PJA2: variants seen among roughly 807,000 people sequenced by gnomAD.
The protein encoded by PJA2 is E3 ubiquitin-protein ligase Praja-2.
Under a neutral mutation model 69.3 loss-of-function variants are expected in PJA2, and 25 were observed. The observed-to-expected ratio is 0.36, with a 90% CI of 0.26 to 0.50. The LOEUF (loss-of-function observed/expected upper bound fraction) is 0.50, where lower values mean the gene tolerates loss of function less well. Among genes scored for constraint, PJA2 ranks in the 20% least tolerant of loss-of-function variants. The pLI, the probability that PJA2 is intolerant of heterozygous loss-of-function variation, is 0.96. For missense variants in PJA2, 809 were observed against 830.2 expected (o/e 0.97, Z 0.31); for synonymous variants, 308 against 277.8 (o/e 1.11, Z -1.08).
In PJA2 at chr5:109,335,666, T is replaced by C. The variant is rs1761926490; in HGVS notation, c.*1565A>G. The C allele has an allele frequency of 1.3e-5, 2 of 152,244 alleles. No individual in the cohort carries two copies. Among genetic ancestry groups the C allele is most frequent in the Admixed American group, 1.3e-4 (2 of 15,262 alleles). The allele number at this position is 152,244 out of a possible 1,614,324, so 9.4% of individuals were successfully genotyped here. A position where few individuals can be genotyped will look rare whatever the true frequency, so the allele number is the denominator to read the frequency against. Reference sequence around the variant, plus strand: ...CTCCTTGACACTAACTGATCATTAATGAAATATGATATGGAAAGATCACAG... The same window carrying C: ...CTCCTTGACACTAACTGATCATTAACGAAATATGATATGGAAAGATCACAG... On this transcript the variant is annotated 3_prime_UTR_variant, in exon 10 of 10. Coordinates refer to ENST00000361189, the MANE Select transcript of PJA2 (RefSeq NM_014819.5).
intron 6 of PJA2, among the ~76,000 whole-genome samples, chr5:109,359,884 G>T (rs1440087641): frequency 1.3e-5 from 2 of 152,076 alleles, no homozygotes; most frequent in African/African-American, 4.8e-5. Context: ...AATGGTCTTG[G>T]ATGTCGGAAA....
intron 7 of PJA2, among the ~76,000 whole-genome samples, chr5:109,353,480 TA>T (rs1213304669): frequency 6.5e-4 from 63 of 97,648 alleles, no homozygotes; most frequent in African/African-American, 1.6e-3. Context: ...TATAGATATC[TA>T]ATATATTAGA....
intron 7 of PJA2, among the ~76,000 whole-genome samples, chr5:109,352,232 C>G (rs1257938081): frequency 1.3e-5 from 2 of 152,182 alleles, no homozygotes; most frequent in African/African-American, 4.8e-5. Context: ...CATGACCTCT[C>G]AAGACCAGTC....
chr5:109,359,092 C>G (rs2126996946), intron 6 of PJA2, among the ~76,000 whole-genome samples: 1 of 152,300 alleles, frequency 6.6e-6, no homozygotes, highest in East Asian at 1.9e-4. Flanking sequence ...CAGCTTACTA[C>G]TCAATATGAA....
intron 7 of PJA2, among the ~76,000 whole-genome samples, chr5:109,354,834 G>C (rs1762385792): frequency 6.6e-6 from 1 of 151,200 alleles, no homozygotes; most frequent in Non-Finnish European, 1.5e-5. Context: ...AGACTTTCTG[G>C]CTGGGCATGG....
intron 7 of PJA2, among the ~76,000 whole-genome samples, chr5:109,346,435 A>T (rs555810860): frequency 1.4e-4 from 22 of 152,358 alleles, no homozygotes; most frequent in Non-Finnish European, 3.2e-4. Context: ...GAAAACAGGG[A>T]CTAAAACAAG....
intron 4 of PJA2, among the ~76,000 whole-genome samples, chr5:109,369,813 A>G (rs1461042191): frequency 6.6e-6 from 1 of 152,150 alleles, no homozygotes; most frequent in Non-Finnish European, 1.5e-5. Flanking sequence ...TGGGCAGATC[A>G]CCTGAGGTCG....
At chr5:109,375,216 T>C (rs1242132700) in intron 4 of PJA2, among the ~76,000 whole-genome samples, 1 of 152,098 alleles carries the variant, frequency 6.6e-6, no homozygotes, top group Admixed American at 6.6e-5. Flanking sequence ...AATTCCTATA[T>C]CTAAAAATGC....
chr5:109,386,120 C>CA (rs749106741), intron 1 of PJA2, among the ~76,000 whole-genome samples: 5,555 of 111,872 alleles, frequency 0.05, 111 homozygotes, highest in Middle Eastern at 0.069. Flanking sequence ...GACTCTGTCT[C>CA]AAAAAAAAAA....
chr5:109,398,517 A>G (rs1747467479), intron 1 of PJA2, among the ~76,000 whole-genome samples: 1 of 151,944 alleles, frequency 6.6e-6, no homozygotes, highest in Non-Finnish European at 1.5e-5. Flanking sequence ...AGTTCTCAGC[A>G]AACTATTGCA....
chr5:109,368,721 A>C lies in PJA2; in HGVS notation c.1309T>G (p.Ser437Ala), dbSNP rs762462666. 6.2e-7 allele frequency: 1 copy of C among 1,613,668 alleles called. No homozygotes were observed. Among genetic ancestry groups the C allele is most frequent in the South Asian group, 1.1e-5 (1 of 91,030 alleles). ...DSSECSDGEW[S>A]ASLPHRFSGT... ...GAAAATCGATGAGGCAAAGAAGCAG[A>C]CCATTCCCCATCACTGCATTCAGAA... Residue 437 changes from serine (S) to alanine (A), a missense_variant, in exon 5 of 10, where the codon TCT becomes GCT. Physicochemically the swap from Ser to Ala is moderately conservative, Grantham distance 99. Coordinates refer to ENST00000361189, the MANE Select transcript of PJA2 (RefSeq NM_014819.5).
intron 1 of PJA2, among the ~76,000 whole-genome samples, chr5:109,406,509 A>G (rs1416616726): frequency 6.6e-6 from 1 of 152,194 alleles, no homozygotes; most frequent in East Asian, 1.9e-4. Flanking sequence ...TAAAATTTAA[A>G]AGACTGAAAT....
intron 7 of PJA2, among the ~76,000 whole-genome samples, chr5:109,351,768 G>A (rs1435823918): frequency 6.6e-6 from 1 of 151,866 alleles, no homozygotes; most frequent in African/African-American, 2.4e-5. Flanking sequence ...AGAAATGAAA[G>A]CAACTACTTC....
chr5:109,402,736 T>C (rs919201741), intron 1 of PJA2, among the ~76,000 whole-genome samples: 1 of 152,140 alleles, frequency 6.6e-6, no homozygotes, highest in African/African-American at 2.4e-5. Flanking sequence ...GGACATTTAC[T>C]GAGAGTAACC....
chr5:109,337,999 C>A (rs1237223565), intron 9 of PJA2, among the ~76,000 whole-genome samples: 1 of 151,956 alleles, frequency 6.6e-6, no homozygotes, highest in Non-Finnish European at 1.5e-5. Context: ...AACCACAGAC[C>A]TTGGAGAGAA....
chr5:109,378,915 C>T lies in PJA2; in HGVS notation c.572G>A (p.Ser191Asn). The change falls in exon 4 of 10, where the codon AGT becomes AAT. Residue 191 changes from serine to asparagine, a missense_variant. By Grantham distance (46) the Ser-to-Asn change is conservative (BLOSUM62 1). Around this residue, in one of 4 missense-constraint regions of PJA2, gnomAD observed 700 missense variants for 639.5 expected, o/e 1.09. Coordinates refer to ENST00000361189, the MANE Select transcript of PJA2 (RefSeq NM_014819.5). ...LQLSAEVVEG[S>N]RYQESLGNTV... ...ATTGCCTAATGATTCCTGGTATCTA[C>T]TACCTTCCACGACTTCTGCAGAAAG... The T allele has an allele frequency of 6.2e-7, 1 of 1,614,194 alleles. No homozygotes were observed. Among genetic ancestry groups the T allele is most frequent in the South Asian group, 1.1e-5 (1 of 91,082 alleles).
chr5:109,395,540 A>T (rs149413016), intron 1 of PJA2, among the ~76,000 whole-genome samples: 1 of 152,296 alleles, frequency 6.6e-6, no homozygotes, highest in East Asian at 1.9e-4. Flanking sequence ...GGGAGGGAAT[A>T]AAAATCTTCC....
chr5:109,396,234 T>A (rs906761703), intron 1 of PJA2, among the ~76,000 whole-genome samples: 3 of 152,042 alleles, frequency 2.0e-5, no homozygotes, highest in African/African-American at 4.8e-5. Flanking sequence ...AGAAAAAGCA[T>A]TCAATGAAAT....
chr5:109,355,145 C>G (rs576266600), intron 7 of PJA2, among the ~76,000 whole-genome samples: 1 of 152,132 alleles, frequency 6.6e-6, no homozygotes, highest in South Asian at 2.1e-4. Flanking sequence ...AATATACAAA[C>G]TGGACTTTCT....
Sources: gnomAD v4.1 joint callset for allele counts (sites outside exome capture counted in the v4.1 genomes callset) on GRCh38, gnomAD v4.1.1 for gene constraint, gnomAD v4.1.1 regional missense constraint, MANE v1.5 for transcripts, NCBI Gene and HGNC (gene_info 2026-07-23, HGNC 2026-07-21) for gene names.